NDUFAF2: variants seen among roughly 807,000 people sequenced by gnomAD.
NDUFAF2 encodes NADH dehydrogenase [ubiquinone] 1 alpha subcomplex assembly factor 2.
Under a neutral mutation model 22.8 loss-of-function variants are expected in NDUFAF2, and 13 were observed. That is an observed-to-expected ratio of 0.57 (90% CI 0.37 to 0.91). The LOEUF (loss-of-function observed/expected upper bound fraction) is 0.91. Ranked by LOEUF, NDUFAF2 falls within the 40% of genes least tolerant of loss-of-function variation. The pLI, the probability that NDUFAF2 is intolerant of heterozygous loss-of-function variation, is 0.01. For missense variants in NDUFAF2, 162 were observed against 195.2 expected (o/e 0.83, Z 1.01); for synonymous variants, 53 against 64.2 (o/e 0.83, Z 0.84).
intron 1 of NDUFAF2, among the ~76,000 whole-genome samples, chr5:61,058,050 A>G (rs1220552381): frequency 2.0e-5 from 3 of 152,196 alleles, no homozygotes; most frequent in African/African-American, 7.2e-5. Flanking sequence ...TGAATTAGTA[A>G]CAGTAGATAA....
At chr5:60,947,259 T>A (rs1234644757) in intron 1 of NDUFAF2, among the ~76,000 whole-genome samples, 1 of 152,186 alleles carries the variant, frequency 6.6e-6, no homozygotes, top group Non-Finnish European at 1.5e-5. Context: ...AAATTCTAGT[T>A]GTTTCCACAC....
chr5:60,996,822 C>A (rs1344264488), intron 1 of NDUFAF2, among the ~76,000 whole-genome samples: 1 of 152,180 alleles, frequency 6.6e-6, no homozygotes, highest in Non-Finnish European at 1.5e-5. Flanking sequence ...GCACTGAGTT[C>A]TGTGCCTTAC....
At chr5:61,041,614 G>T (rs1242474703) in intron 1 of NDUFAF2, among the ~76,000 whole-genome samples, 3 of 152,158 alleles carry the variant, frequency 2.0e-5, no homozygotes, top group African/African-American at 7.2e-5. Flanking sequence ...TTCAGTTACT[G>T]CAAGTAATAA....
intron 3 of NDUFAF2, among the ~76,000 whole-genome samples, chr5:61,117,117 A>G (rs1752921492): frequency 6.6e-6 from 1 of 152,206 alleles, no homozygotes; most frequent in African/African-American, 2.4e-5. Flanking sequence ...TGAGAAGTTA[A>G]TATATAGTGC....
intron 1 of NDUFAF2, among the ~76,000 whole-genome samples, chr5:60,993,430 G>A (rs1437843408): frequency 6.6e-6 from 1 of 152,204 alleles, no homozygotes; most frequent in African/African-American, 2.4e-5. Context: ...TTTCAGTCCT[G>A]CCATTTGGCA....
intron 2 of NDUFAF2, among the ~76,000 whole-genome samples, chr5:61,090,693 C>CTTTTATT (rs1752555926): frequency 6.6e-6 from 1 of 151,706 alleles, no homozygotes; most frequent in African/African-American, 2.4e-5. Flanking sequence ...TTTAAAAAAA[C>CTTTTATT]TTTTATTTTA....
intron 1 of NDUFAF2, among the ~76,000 whole-genome samples, chr5:61,071,601 T>A (rs1752300703): frequency 6.6e-6 from 1 of 152,230 alleles, no homozygotes; most frequent in African/African-American, 2.4e-5. Flanking sequence ...TCTTTAATTA[T>A]GTAAGTCAGT....
At chr5:61,062,784 A>G (rs1182736537) in intron 1 of NDUFAF2, among the ~76,000 whole-genome samples, 1 of 152,178 alleles carries the variant, frequency 6.6e-6, no homozygotes, top group Non-Finnish European at 1.5e-5. Flanking sequence ...AGTCAAAACC[A>G]GAATTGTAAA....
intron 1 of NDUFAF2, among the ~76,000 whole-genome samples, chr5:61,028,384 A>T (rs1045377689): frequency 6.6e-6 from 1 of 152,058 alleles, no homozygotes; most frequent in Non-Finnish European, 1.5e-5. Context: ...TAAAATTTCT[A>T]TATTCATATA....
chr5:61,057,947 TATA>T (rs1424433451), intron 1 of NDUFAF2, among the ~76,000 whole-genome samples: 1 of 152,198 alleles, frequency 6.6e-6, no homozygotes, highest in African/African-American at 2.4e-5. Context: ...GATTAATAAA[TATA>T]ATTTTTTAAA....
At chr5:60,987,657 A>G (rs917390722) in intron 1 of NDUFAF2, among the ~76,000 whole-genome samples, 2 of 152,234 alleles carry the variant, frequency 1.3e-5, no homozygotes, top group Non-Finnish European at 2.9e-5. Context: ...GTGATTCATT[A>G]CATAATAGAA....
intron 3 of NDUFAF2, among the ~76,000 whole-genome samples, chr5:61,103,973 T>G (rs1752731880): frequency 6.6e-6 from 1 of 152,122 alleles, no homozygotes; most frequent in South Asian, 2.1e-4. Context: ...TAAATAGGCT[T>G]TGTGTTAAGA....
intron 1 of NDUFAF2, among the ~76,000 whole-genome samples, chr5:61,066,555 G>A (rs182193938): frequency 6.6e-6 from 1 of 152,038 alleles, no homozygotes; most frequent in Admixed American, 6.6e-5. Flanking sequence ...GAACAGAATA[G>A]AGAGCCTAGA....
intron 1 of NDUFAF2, among the ~76,000 whole-genome samples, chr5:61,057,988 A>T (rs77751855): frequency 1.3e-5 from 2 of 152,188 alleles, no homozygotes; most frequent in Non-Finnish European, 2.9e-5. Flanking sequence ...CACAAAATGC[A>T]ATCTGTTTAT....
intron 3 of NDUFAF2, among the ~76,000 whole-genome samples, chr5:61,105,790 T>C (rs1188566881): frequency 6.6e-6 from 1 of 151,410 alleles, no homozygotes; most frequent in African/African-American, 2.5e-5. Flanking sequence ...GGAATTTATT[T>C]TAAAAGACAT....
intron 1 of NDUFAF2, among the ~76,000 whole-genome samples, chr5:60,999,897 A>G (rs1292810650): frequency 6.6e-6 from 1 of 151,998 alleles, no homozygotes; most frequent in Non-Finnish European, 1.5e-5. Context: ...TTGTTGCATG[A>G]TTTGGTTTTT....
intron 1 of NDUFAF2, among the ~76,000 whole-genome samples, chr5:60,995,791 G>A (rs911410686): frequency 7.9e-5 from 12 of 152,176 alleles, no homozygotes; most frequent in Non-Finnish European, 1.6e-4. Context: ...CAGAAGTACC[G>A]TCTGGGAGTC....
chr5:61,134,052 C>CT (rs1240656075), intron 3 of NDUFAF2, among the ~76,000 whole-genome samples: 1 of 152,118 alleles, frequency 6.6e-6, no homozygotes, highest in African/African-American at 2.4e-5. Context: ...ACCCAAATAT[C>CT]TATTAGTAAG....
At chr5:60,967,126 A>G (rs921444240) in intron 1 of NDUFAF2, among the ~76,000 whole-genome samples, 6 of 151,946 alleles carry the variant, frequency 3.9e-5, no homozygotes, top group Admixed American at 2.0e-4. Context: ...AATGGAATTG[A>G]TTTTTTTATT....
Sources: allele counts gnomAD v4.1 joint callset (sites outside exome capture counted in the v4.1 genomes callset), GRCh38; gene constraint gnomAD v4.1.1; transcripts MANE v1.5; gene names NCBI Gene and HGNC (gene_info 2026-07-23, HGNC 2026-07-21).